FAR1: variants seen among roughly 807,000 people sequenced by gnomAD.
FAR1 encodes male sterility domain-containing protein 2.
In FAR1, 22 loss-of-function variants were observed where a neutral mutation model predicts 61.1. The ratio of observed to expected loss-of-function variants is 0.36; its 90% confidence interval spans 0.26 to 0.51. The LOEUF is 0.51. Among genes scored for constraint, FAR1 ranks in the 20% least tolerant of loss-of-function variants. The pLI is 0.95. For missense variants in FAR1, 359 were observed against 626.9 expected (o/e 0.57, Z 4.56); for synonymous variants, 206 against 209.7 (o/e 0.98, Z 0.15).
At chr11:13,701,257 GATAA>G (rs1485244325) in intron 3 of FAR1, among the ~76,000 whole-genome samples, 6 of 151,934 alleles carry the variant, frequency 3.9e-5, no homozygotes, top group Middle Eastern at 3.2e-3. Flanking sequence ...ATGTTTTAAA[GATAA>G]ATAACTAAAA....
intron 8 of FAR1, 46 bp from the exon 9 acceptor site, chr11:13,714,463 A>G (rs1224087204): frequency 6.6e-7 from 1 of 1,520,966 alleles, no homozygotes; most frequent in African/African-American, 1.4e-5. Context: ...TCAAAACTTC[A>G]TTACATGGTT....
At chr11:13,675,361 T>G (rs190141780) in intron 1 of FAR1, among the ~76,000 whole-genome samples, 81 of 152,314 alleles carry the variant, frequency 5.3e-4, no homozygotes, top group African/African-American at 1.9e-3. Context: ...CAAGTGGCGA[T>G]AGAGAGAAAG....
intron 1 of FAR1, among the ~76,000 whole-genome samples, chr11:13,678,499 T>C (rs930093474): frequency 1.2e-4 from 19 of 152,106 alleles, no homozygotes; most frequent in Admixed American, 6.5e-5. Context: ...CTCCTGACCT[T>C]GTGATCCACC....
chr11:13,685,440 G>T (rs981470229), intron 1 of FAR1: 7 of 211,552 alleles, frequency 3.3e-5, no homozygotes, highest in Non-Finnish European at 5.1e-5. Context: ...GCTTGATATG[G>T]TAACATGGTT....
At chr11:13,714,135 CTTTTT>C (rs1225460035) in intron 8 of FAR1, among the ~76,000 whole-genome samples, 1 of 151,630 alleles carries the variant, frequency 6.6e-6, no homozygotes, top group African/African-American at 2.4e-5. Context: ...TTTTCCTTTT[CTTTTT>C]TAAGTAAGTA....
chr11:13,669,351 AG>A, intron 1 of FAR1: 1 of 152,540 alleles, frequency 6.6e-6, no homozygotes, highest in Non-Finnish European at 1.5e-5. Context: ...CTGGGAGTGA[AG>A]GGGGGACGGG....
chr11:13,701,417 TA>T (rs1468717178), intron 3 of FAR1, among the ~76,000 whole-genome samples: 1 of 152,080 alleles, frequency 6.6e-6, no homozygotes, highest in Non-Finnish European at 1.5e-5. Flanking sequence ...TATGTCAATT[TA>T]AAAAATAAAA....
chr11:13,707,214 A>G (rs1181726739), intron 3 of FAR1, among the ~76,000 whole-genome samples: 1 of 152,110 alleles, frequency 6.6e-6, no homozygotes. Context: ...TTTTCTGCAT[A>G]TATACTTTTG....
intron 10 of FAR1, 50 bp from the exon 11 acceptor site, chr11:13,727,506 G>T (rs1441149013): frequency 4.6e-6 from 7 of 1,536,230 alleles, no homozygotes; most frequent in Non-Finnish European, 5.3e-6. Context: ...CTGACTGGTT[G>T]TGAGAAAAAT....
At position 13,718,522 on chromosome 11, in the gene FAR1, G is replaced by C. The variant is rs546785705; in HGVS notation, c.1128-3208G>C. On this transcript the variant is annotated intron_variant, in intron 9 of 11. Transcript: ENST00000354817. Reference sequence around the variant, plus strand: ...CCTGGTCCTTTCACATTTCACTACTGATCACCTCACAGGCCTTAGAGATTT... The same window carrying C: ...CCTGGTCCTTTCACATTTCACTACTCATCACCTCACAGGCCTTAGAGATTT... 9.9e-5 allele frequency among the ~76,000 whole-genome samples: 15 copies of C among 152,198 alleles called. No homozygotes were observed. In the South Asian group the frequency reaches 3.1e-3, roughly 32 times the overall value.
chr11:13,702,977 C>T (rs575626328), intron 3 of FAR1, among the ~76,000 whole-genome samples: 2 of 152,290 alleles, frequency 1.3e-5, no homozygotes, highest in South Asian at 2.1e-4. Flanking sequence ...TTATGTATTA[C>T]ATTGTTTTTC....
At chr11:13,707,735 A>G (rs974267996) in intron 3 of FAR1, among the ~76,000 whole-genome samples, 165 bp from the exon 4 acceptor site, 6 of 152,052 alleles carry the variant, frequency 3.9e-5, no homozygotes, top group African/African-American at 1.5e-4. Context: ...ACAGCTGATA[A>G]ACATTTAATA....
intron 5 of FAR1, among the ~76,000 whole-genome samples, chr11:13,711,514 C>T (rs185659841): frequency 1.1e-3 from 160 of 152,198 alleles, no homozygotes; most frequent in African/African-American, 3.5e-3. Context: ...ATAAATTTCT[C>T]TTTGCAGAGA....
Position 13,711,990 on chromosome 11 carries a change from T to C in FAR1, c.831T>C (p.Pro277=), listed in dbSNP as rs766670203. 7 of 1,613,322 alleles carry C rather than the reference T, an allele frequency of 4.3e-6. No individual in the cohort carries two copies. Among genetic ancestry groups the C allele is most frequent in the South Asian group, 1.1e-5 (1 of 91,074 alleles). ...ASNNALADLV[P]VDVVVNMSLA... The stretch of plus-strand genomic sequence containing the variant: ...ACAATGCCCTTGCAGATCTTGTTCC[T>C]GTAGATGTAGTTGTCAACATGAGTC... The change falls in exon 7 of 12, where the codon CCT becomes CCC. Residue 277 remains proline (P), a synonymous_variant. Coordinates refer to ENST00000354817, the MANE Select transcript of FAR1 (RefSeq NM_032228.6).
intron 1 of FAR1, among the ~76,000 whole-genome samples, chr11:13,693,849 A>T (rs1375508311): frequency 6.6e-6 from 1 of 151,986 alleles, no homozygotes; most frequent in Non-Finnish European, 1.5e-5. Flanking sequence ...CCAGGTTGTT[A>T]TGAACATATA....
chr11:13,708,065 G>C lies in FAR1; in HGVS notation c.531G>C (p.Leu177=), dbSNP rs1367002118. 4 of 1,587,986 alleles carry C rather than the reference G, an allele frequency of 2.5e-6. No homozygotes were observed. In the African/African-American group the frequency reaches 5.5e-5, roughly 22 times the overall value. ...CACCACCTGTGGATCCCAAGAAGCT[G>C]ATTGATTCTTTAGAGTATGTTTGTT... is the stretch of plus-strand genomic sequence containing the variant. ...VYPPPVDPKK[L]IDSLEWMDDG... is the part of the protein sequence containing the mutation. Residue 177 remains leucine (L), a synonymous_variant, in exon 4 of 12, where the codon CTG becomes CTC. Transcript: ENST00000354817.
At chr11:13,672,977 T>C (rs566134169) in intron 1 of FAR1, among the ~76,000 whole-genome samples, 14 of 152,368 alleles carry the variant, frequency 9.2e-5, no homozygotes, top group Non-Finnish European at 1.6e-4. Flanking sequence ...ACATTGGTTC[T>C]ATAGTTCCTC....
At chr11:13,724,777 C>T (rs967281552) in intron 10 of FAR1, among the ~76,000 whole-genome samples, 6 of 151,954 alleles carry the variant, frequency 3.9e-5, no homozygotes, top group Admixed American at 3.3e-4. Context: ...CCTTCAAAAC[C>T]CAGAGTGCAT....
chr11:13,727,472 G>A (rs1191197509), intron 10 of FAR1, 84 bp from the exon 11 acceptor site: 6 of 1,234,842 alleles, frequency 4.9e-6, no homozygotes, highest in Middle Eastern at 2.2e-4. Flanking sequence ...ACTTGGAACT[G>A]GCCTTTAGAA....
Sources: allele counts gnomAD v4.1 joint callset (sites outside exome capture counted in the v4.1 genomes callset), GRCh38; gene constraint gnomAD v4.1.1; transcripts MANE v1.5; gene names NCBI Gene and HGNC (gene_info 2026-07-23, HGNC 2026-07-21).